The following ARHGEF37 variants were observed in gnomAD, a reference collection of about 807,000 sequenced individuals.
ARHGEF37 encodes Rho guanine nucleotide exchange factor 37.
In ARHGEF37, 55 loss-of-function variants were observed where a neutral mutation model predicts 71.1. That is an observed-to-expected ratio of 0.77 (90% CI 0.62 to 0.97). ARHGEF37 has a LOEUF of 0.97. Ranked by LOEUF, ARHGEF37 falls within the 50% of genes least tolerant of loss-of-function variation. ARHGEF37 has a pLI of 0.00. For missense variants in ARHGEF37, 765 were observed against 836.8 expected, an observed-to-expected ratio of 0.91 and a Z score of 1.06; for synonymous variants, 327 against 350.6, an observed-to-expected ratio of 0.93 and a Z score of 0.75.
chr5:149,559,315 C>T (rs1319287346), intron 1 of ARHGEF37, among the ~76,000 whole-genome samples: 1 of 152,146 alleles, frequency 6.6e-6, no homozygotes, highest in Non-Finnish European at 1.5e-5. Flanking sequence ...AACAAGACTC[C>T]GTCTTGGCGG....
chr5:149,557,865 ATTT>A (rs529240803), intron 1 of ARHGEF37, among the ~76,000 whole-genome samples: 2 of 137,094 alleles, frequency 1.5e-5, no homozygotes, highest in African/African-American at 2.7e-5. Context: ...TTACCCAATA[ATTT>A]TTTTTTTTTT....
intron 1 of ARHGEF37, among the ~76,000 whole-genome samples, chr5:149,589,969 C>T (rs912920999): frequency 2.6e-5 from 4 of 152,108 alleles, no homozygotes; most frequent in Non-Finnish European, 5.9e-5. Flanking sequence ...GCCCAACCTA[C>T]ATCATGTTTT....
chr5:149,623,008 C>T (rs7711287), intron 9 of ARHGEF37, among the ~76,000 whole-genome samples: 11 of 152,138 alleles, frequency 7.2e-5, no homozygotes, highest in Non-Finnish European at 1.2e-4. Context: ...CACCCCATCA[C>T]CTTTCTAGCC....
intron 11 of ARHGEF37, among the ~76,000 whole-genome samples, chr5:149,628,605 T>C (rs1561811913): frequency 6.6e-6 from 1 of 152,176 alleles, no homozygotes; most frequent in South Asian, 2.1e-4. Context: ...CGGTAGGGAA[T>C]GAGCCCCCCA....
At chr5:149,555,790 C>A (rs1339410892) in intron 1 of ARHGEF37, among the ~76,000 whole-genome samples, 1 of 152,018 alleles carries the variant, frequency 6.6e-6, no homozygotes, top group East Asian at 1.9e-4. Flanking sequence ...CCAGGGATTA[C>A]TTCTGTGTTC....
chr5:149,581,286 G>C (rs541746982), upstream of ARHGEF37, among the ~76,000 whole-genome samples: 129 of 152,330 alleles, frequency 8.5e-4, no homozygotes, highest in Non-Finnish European at 1.2e-3. Flanking sequence ...GGTGGGTGCC[G>C]GCACGTCGCT....
At chr5:149,617,216 A>G (rs1001425835) in intron 5 of ARHGEF37, among the ~76,000 whole-genome samples, 1 of 152,224 alleles carries the variant, frequency 6.6e-6, no homozygotes, top group Non-Finnish European at 1.5e-5. Flanking sequence ...TCTTTGAATT[A>G]ATCACTGTTG....
chr5:149,563,245 C>G (rs1213462139), intron 1 of ARHGEF37, among the ~76,000 whole-genome samples: 1 of 152,180 alleles, frequency 6.6e-6, no homozygotes, highest in Admixed American at 6.5e-5. Context: ...ATTCTAAAGC[C>G]AATTGACCTA....
chr5:149,618,143 T>C, intron 5 of ARHGEF37, 33 bp from the exon 6 acceptor site: 3 of 1,612,620 alleles, frequency 1.9e-6, no homozygotes, highest in Non-Finnish European at 2.5e-6. Context: ...GTTGGCTTGA[T>C]CACCGTGCTT....
intron 3 of ARHGEF37, chr5:149,606,624 T>G (rs1050965005): frequency 6.6e-6 from 1 of 152,220 alleles, no homozygotes; most frequent in Non-Finnish European, 1.5e-5. Context: ...CTAATCTCAT[T>G]AGTTTCTGAT....
At chr5:149,568,335 T>G (rs1762921912) in intron 1 of ARHGEF37, among the ~76,000 whole-genome samples, 1 of 152,126 alleles carries the variant, frequency 6.6e-6, no homozygotes, top group Admixed American at 6.6e-5. Context: ...CCAATATACT[T>G]GATTAAGCCT....
chr5:149,604,270 A>T (rs1763842210), intron 3 of ARHGEF37, among the ~76,000 whole-genome samples: 1 of 152,224 alleles, frequency 6.6e-6, no homozygotes, highest in African/African-American at 2.4e-5. Flanking sequence ...TTTCCAGTTA[A>T]AATATGGGAT....
intron 1 of ARHGEF37, among the ~76,000 whole-genome samples, chr5:149,555,072 A>G (rs972163910): frequency 8.6e-5 from 13 of 151,052 alleles, no homozygotes; most frequent in Non-Finnish European, 1.9e-4. Context: ...CGGAAGTTGC[A>G]GTGAGCTGAG....
At chr5:149,601,556 G>A (rs1210790450) in intron 3 of ARHGEF37, among the ~76,000 whole-genome samples, 1 of 152,242 alleles carries the variant, frequency 6.6e-6, no homozygotes, top group Non-Finnish European at 1.5e-5. Context: ...AGCACCTGCA[G>A]TGTGCAGGCA....
chr5:149,569,418 C>G (rs1762936090), intron 1 of ARHGEF37, among the ~76,000 whole-genome samples: 1 of 152,122 alleles, frequency 6.6e-6, no homozygotes, highest in South Asian at 2.1e-4. Flanking sequence ...CTCCCAGGTT[C>G]AAGCGATTCT....
chr5:149,614,830 T>C (rs1752329712), intron 4 of ARHGEF37, among the ~76,000 whole-genome samples: 1 of 152,106 alleles, frequency 6.6e-6, no homozygotes, highest in Non-Finnish European at 1.5e-5. Context: ...GGTCTGGAGA[T>C]TTTCCTAAGG....
chr5:149,613,782 G>A, intron 4 of ARHGEF37, among the ~76,000 whole-genome samples: 1 of 72,604 alleles, frequency 1.4e-5, no homozygotes, highest in South Asian at 4.5e-4. Context: ...TTTTTTTTTT[G>A]AGACAAGGTC....
intron 1 of ARHGEF37, among the ~76,000 whole-genome samples, chr5:149,562,089 A>G (rs1374688171): frequency 6.6e-6 from 1 of 152,228 alleles, no homozygotes; most frequent in Non-Finnish European, 1.5e-5. Flanking sequence ...TGCTGATGCC[A>G]GGAAGCACTG....
chr5:149,568,887 G>C (rs964430817), intron 1 of ARHGEF37, among the ~76,000 whole-genome samples: 6 of 149,804 alleles, frequency 4.0e-5, no homozygotes, highest in Non-Finnish European at 7.4e-5. Flanking sequence ...TTCCTAGTCA[G>C]TCACTTCCCC....
Sources: allele counts gnomAD v4.1 joint callset (sites outside exome capture counted in the v4.1 genomes callset), GRCh38; gene constraint gnomAD v4.1.1; transcripts MANE v1.5; gene names NCBI Gene and HGNC (gene_info 2026-07-23, HGNC 2026-07-21).